Variants in ZNF704 observed in about 807,000 individuals in gnomAD.
ZNF704 encodes the protein glucocorticoid induced gene 1.
ZNF704 carries 10 observed loss-of-function variants against 44.7 expected under a neutral mutation model. The observed-to-expected ratio is 0.22, with a 90% CI of 0.14 to 0.38. The LOEUF (loss-of-function observed/expected upper bound fraction) is 0.38, where lower values mean the gene tolerates loss of function less well. Ranked by LOEUF, ZNF704 falls within the 10% of genes least tolerant of loss-of-function variation. The pLI, the probability that ZNF704 is intolerant of heterozygous loss-of-function variation, is 1.00. For missense variants in ZNF704, 390 were observed against 545.5 expected (o/e 0.71, Z 2.84); for synonymous variants, 211 against 207.6 (o/e 1.02, Z -0.14).
chr8:80,736,740 A>G (rs911930473), intron 2 of ZNF704, among the ~76,000 whole-genome samples: 5 of 152,188 alleles, frequency 3.3e-5, no homozygotes, highest in Non-Finnish European at 7.3e-5. Flanking sequence ...CATATTGGGT[A>G]TAGTGTACAC....
intron 2 of ZNF704, among the ~76,000 whole-genome samples, chr8:80,727,331 G>C (rs1244166288): frequency 6.6e-6 from 1 of 152,124 alleles, no homozygotes; most frequent in Non-Finnish European, 1.5e-5. Flanking sequence ...TTAAGTGGAA[G>C]AGGGGAAAGA....
At chr8:80,757,432 G>C (rs1484699449) in intron 2 of ZNF704, among the ~76,000 whole-genome samples, 2 of 151,746 alleles carry the variant, frequency 1.3e-5, no homozygotes, top group Non-Finnish European at 2.9e-5. Context: ...TTTAAGCTAA[G>C]TGTTATTAAA....
intron 2 of ZNF704, among the ~76,000 whole-genome samples, chr8:80,725,351 T>C (rs1011955294): frequency 6.6e-6 from 1 of 152,218 alleles, no homozygotes; most frequent in African/African-American, 2.4e-5. Context: ...CATACAATAT[T>C]GGAACATAAA....
chr8:80,632,364 CTTCTT>C lies in ZNF704; in HGVS notation c.*8997_*9001del, dbSNP rs1254125415. On this transcript the variant is annotated 3_prime_UTR_variant, in exon 9 of 9. Transcript: ENST00000327835. ...TAGTAAAGACAGGGTTTCCCTCTTT[CTTCTT>C]TTGTTTTCACTCTTTCTTCCTCTGT... 1 of 152,108 alleles carries C rather than the reference CTTCTT, an allele frequency of 6.6e-6. No individual in the cohort carries two copies. Among genetic ancestry groups the C allele is most frequent in the East Asian group, 1.9e-4 (1 of 5,184 alleles). 9.4% of individuals were successfully genotyped at this position (152,108 alleles called of 1,614,324 possible). A position where few individuals can be genotyped will look rare whatever the true frequency, so the allele number is the denominator to read the frequency against.
At chr8:80,776,848 T>C (rs1340402063) in intron 2 of ZNF704, 2 of 152,098 alleles carry the variant, frequency 1.3e-5, no homozygotes, top group African/African-American at 2.4e-5. Flanking sequence ...CCAAATTTAG[T>C]GTGGACACCC....
At chr8:80,816,463 A>T (rs1002429413) in intron 2 of ZNF704, among the ~76,000 whole-genome samples, 1 of 152,238 alleles carries the variant, frequency 6.6e-6, no homozygotes, top group South Asian at 2.1e-4. Flanking sequence ...GTACTGACAC[A>T]TGCTATCACA....
intron 4 of ZNF704, among the ~76,000 whole-genome samples, chr8:80,671,075 C>A (rs1245549926): frequency 6.6e-6 from 1 of 152,186 alleles, no homozygotes; most frequent in African/African-American, 2.4e-5. Context: ...GCTCCAGAAA[C>A]CATCCCCTCC....
At chr8:80,796,958 A>AGAAGG (rs1807814226) in intron 2 of ZNF704, among the ~76,000 whole-genome samples, 2 of 108,302 alleles carry the variant, frequency 1.8e-5, no homozygotes, top group African/African-American at 6.9e-5. Flanking sequence ...AGGGAGGGAG[A>AGAAGG]GAAGGAAAGG....
chr8:80,835,562 T>C lies in ZNF704; in HGVS notation c.-21-13947A>G, dbSNP rs558868577. Among the ~76,000 whole-genome samples, 4 of 152,338 alleles carry C rather than the reference T, an allele frequency of 2.6e-5. No homozygotes were observed. The South Asian group carries it at 8.3e-4, about 32-fold the overall frequency. ...AGTTACATATTCATCTTGAGCTCAG[T>C]AAATCAGCACTTCACACAAGATAGG... On this transcript the variant is annotated intron_variant, in intron 1 of 8. Transcript: ENST00000327835.
rs1437574669 is a variant in ZNF704, at chr8:80,693,300, T to C, written c.222-193A>G. 2.0e-5 allele frequency among the ~76,000 whole-genome samples: 3 copies of C among 152,216 alleles called. No homozygotes were observed. The East Asian group carries it at 5.8e-4, about 29-fold the overall frequency. On this transcript the variant is annotated intron_variant, in intron 2 of 8. Transcript: ENST00000327835. The stretch of plus-strand genomic sequence containing the variant: ...GTGTTTCAGTCAAAGTCATACAGTA[T>C]TAGGAAGACAAGGATTCCATCATCC...
At position 80,644,935 on chromosome 8, in the gene ZNF704, A is replaced by G. The variant is rs186646905; in HGVS notation, c.1033-1806T>C. The G allele has an allele frequency of 4.0e-3, 4,297 of 1,072,028 alleles. 13 individuals are homozygous for G. The highest frequency in any genetic ancestry group is 4.9e-3 in the Non-Finnish European group (3,384 of 689,000). 66.4% of individuals were successfully genotyped at this position (1,072,028 alleles called of 1,614,324 possible). On this transcript the variant is annotated intron_variant, in intron 7 of 8. Coordinates refer to ENST00000327835, the MANE Select transcript of ZNF704 (RefSeq NM_001033723.3). ...GGCTGAAAAGCAGCTTGCCAGCTTC[A>G]TTTCTTTGTTTTCTCGGGTAGTGGG...
At chr8:80,836,707 T>C (rs1563571387) in intron 1 of ZNF704, among the ~76,000 whole-genome samples, 1 of 152,060 alleles carries the variant, frequency 6.6e-6, no homozygotes, top group East Asian at 1.9e-4. Flanking sequence ...ATGACTTACT[T>C]TAGCCTAGGA....
intron 1 of ZNF704, among the ~76,000 whole-genome samples, chr8:80,826,647 C>T (rs909944137): frequency 1.3e-5 from 2 of 152,170 alleles, no homozygotes; most frequent in African/African-American, 2.4e-5. Context: ...ACCAATATCC[C>T]TGATGAACAT....
rs772954290 is a variant in ZNF704, at chr8:80,636,083, A to C, written c.*5283T>G. On this transcript the variant is annotated 3_prime_UTR_variant, in exon 9 of 9. Transcript: ENST00000327835. ...GCATCTTGTAAAATATTTCCAGTTA[A>C]CTTGAGAAGTAGAGTACTGACGCTT... 1 of 152,242 alleles carries C rather than the reference A, an allele frequency of 6.6e-6. No individual in the cohort carries two copies. The allele number at this position is 152,242 out of a possible 1,614,324, so 9.4% of individuals were successfully genotyped here.
chr8:80,659,824 G>T, intron 6 of ZNF704, 135 bp from the exon 7 acceptor site: 1 of 719,858 alleles, frequency 1.4e-6, no homozygotes, highest in Non-Finnish European at 2.3e-6. Flanking sequence ...CTAATAGGAA[G>T]AGATTAAACA....
chr8:80,665,661 C>A (rs1484388611), intron 5 of ZNF704, among the ~76,000 whole-genome samples: 1 of 151,524 alleles, frequency 6.6e-6, no homozygotes, highest in Non-Finnish European at 1.5e-5. Flanking sequence ...GCACTTGTAC[C>A]CCCCCATTCA....
At chr8:80,878,313 A>G (rs1245081839), upstream of ZNF704, among the ~76,000 whole-genome samples, 8 of 143,988 alleles carry the variant, frequency 5.6e-5, no homozygotes, top group Non-Finnish European at 7.7e-5. Context: ...AGGAAGGAAG[A>G]AAATCAGGCT....
chr8:80,728,032 A>G (rs1422359808), intron 2 of ZNF704, among the ~76,000 whole-genome samples: 1 of 152,212 alleles, frequency 6.6e-6, no homozygotes, highest in Non-Finnish European at 1.5e-5. Context: ...TGATTCTTCA[A>G]AATTTTTTAG....
At chr8:80,733,899 A>T (rs1046719130) in intron 2 of ZNF704, among the ~76,000 whole-genome samples, 4 of 152,196 alleles carry the variant, frequency 2.6e-5, no homozygotes, top group Admixed American at 1.3e-4. Context: ...CCTACAAAAA[A>T]GTGGAAATCT....
Sources: gnomAD v4.1 joint callset for allele counts (sites outside exome capture counted in the v4.1 genomes callset) on GRCh38, gnomAD v4.1.1 for gene constraint, MANE v1.5 for transcripts, NCBI Gene and HGNC (gene_info 2026-07-23, HGNC 2026-07-21) for gene names.